The following RECK variants were observed in gnomAD, a reference collection of about 807,000 sequenced individuals.
The protein encoded by RECK is reversion-inducing cysteine-rich protein with Kazal motifs.
A neutral mutation model predicts 115.1 loss-of-function variants in RECK; 69 were observed. The observed-to-expected ratio is 0.60, with a 90% confidence interval of 0.49 to 0.73. The LOEUF (loss-of-function observed/expected upper bound fraction) is 0.73. Among genes scored for constraint, RECK ranks in the 30% least tolerant of loss-of-function variants. The pLI is 0.00. For synonymous variants in RECK, 414 were observed against 419.7 expected (o/e 0.99, Z 0.17); for missense variants, 1,047 against 1,203.7 (o/e 0.87, Z 1.93).
intron 6 of RECK, among the ~76,000 whole-genome samples, chr9:36,069,527 CA>C (rs1822146232): frequency 7.0e-6 from 1 of 142,608 alleles, no homozygotes. Flanking sequence ...TAAAAAGAAT[CA>C]AAGAGAATTT....
intron 16 of RECK, among the ~76,000 whole-genome samples, chr9:36,114,471 G>T (rs1387216862): frequency 6.6e-6 from 1 of 152,208 alleles, no homozygotes; most frequent in Non-Finnish European, 1.5e-5. Flanking sequence ...CATTCTCTAT[G>T]GAGGGCAGTT....
intron 13 of RECK, among the ~76,000 whole-genome samples, chr9:36,106,030 G>A (rs927747321): frequency 2.0e-5 from 3 of 151,914 alleles, no homozygotes; most frequent in African/African-American, 7.2e-5. Context: ...TGGCTAACAT[G>A]GTGAAACCTT....
At chr9:36,103,112 G>A (rs1220497341) in intron 12 of RECK, among the ~76,000 whole-genome samples, 1 of 152,190 alleles carries the variant, frequency 6.6e-6, no homozygotes, top group South Asian at 2.1e-4. Flanking sequence ...CTTCTTGGCA[G>A]TGAGACCCAT....
At chr9:36,119,048 G>C (rs1012486409) in intron 18 of RECK, 81 bp downstream of exon 18, 123 of 1,343,668 alleles carry the variant, frequency 9.2e-5, no homozygotes, top group Non-Finnish European at 7.6e-5. Context: ...TCATTGAGAA[G>C]AGAGCTCATT....
At position 36,036,946 on chromosome 9, in the gene RECK, G is replaced by A; in HGVS notation, c.-53G>A. 1 of 1,208,066 alleles carries A rather than the reference G, an allele frequency of 8.3e-7. No homozygotes were observed. The highest frequency in any genetic ancestry group is 1.1e-6 in the Non-Finnish European group (1 of 945,934). 74.8% of individuals were successfully genotyped at this position (1,208,066 alleles called of 1,614,324 possible). ...GGCGGCGGTAGCGGCGGCAGCGGCT[G>A]CGGCCAAGCTGGGTCCGAGCATCCC... On this transcript the variant is annotated 5_prime_UTR_variant, in exon 1 of 21. Transcript: ENST00000377966.
intron 1 of RECK, among the ~76,000 whole-genome samples, chr9:36,042,996 A>C (rs1469000638): frequency 2.6e-5 from 3 of 114,106 alleles, no homozygotes; most frequent in Non-Finnish European, 5.4e-5. Flanking sequence ...CTGTCTATTC[A>C]TGTCCTTAGC....
rs1823591456 is a variant in RECK, at chr9:36,102,195, A to G, written c.1400A>G (p.Asp467Gly). ...SICELLSPTD[D>G]LKNCIPLDTY... is the part of the protein sequence containing the mutation. ...TGTGAGCTTCTGTCACCTACAGATG[A>G]TCTGAAGAATTGTATACCTTTGGAT... is the stretch of plus-strand genomic sequence containing the variant. Residue 467 changes from aspartate (D) to glycine (G), a missense_variant, in exon 12 of 21, where the codon GAT becomes GGT. Coordinates refer to ENST00000377966, the MANE Select transcript of RECK (RefSeq NM_021111.3). The G allele has an allele frequency of 1.9e-6, 3 of 1,613,782 alleles. No individual in the cohort carries two copies. The highest frequency in any genetic ancestry group is 2.5e-6 in the Non-Finnish European group (3 of 1,179,760).
In RECK at chr9:36,058,835, C is replaced by A; in HGVS notation, c.168C>A (p.Ser56=). Residue 56 remains serine (S), a synonymous_variant, in exon 3 of 21, where the codon TCC becomes TCA. Coordinates refer to ENST00000377966, the MANE Select transcript of RECK (RefSeq NM_021111.3). ...MCRDVCEQIF[S]SKSESRLKHL... is the part of the protein sequence containing the mutation. The stretch of plus-strand genomic sequence containing the variant: ...TTTTTTTTGTCAAATAGATTTTCTC[C>A]TCAAAAAGTGAATCCCGACTAAAAC... 1 of 1,584,884 alleles carries A rather than the reference C, an allele frequency of 6.3e-7. No homozygotes were observed. Among genetic ancestry groups the A allele is most frequent in the South Asian group, 1.1e-5 (1 of 87,008 alleles).
chr9:36,068,091 G>A (rs1342292853), intron 6 of RECK, among the ~76,000 whole-genome samples: 1 of 152,154 alleles, frequency 6.6e-6, no homozygotes, highest in African/African-American at 2.4e-5. Context: ...GGGTGATGAT[G>A]AAGATTCTGT....
At position 36,102,206 on chromosome 9, in the gene RECK, T is replaced by C; in HGVS notation, c.1411T>C (p.Cys471Arg). 1.2e-6 allele frequency: 2 copies of C among 1,613,402 alleles called. No homozygotes were observed. Among genetic ancestry groups the C allele is most frequent in the Non-Finnish European group, 1.7e-6 (2 of 1,179,652 alleles). ...GTCACCTACAGATGATCTGAAGAATTGTATACCTTTGGATACATACCTCAG... is the reference window on the plus strand; with the variant it reads ...GTCACCTACAGATGATCTGAAGAATCGTATACCTTTGGATACATACCTCAG... ...LLSPTDDLKN[C>R]IPLDTYLRPS... Residue 471 changes from cysteine to arginine, a missense_variant, in exon 12 of 21, where the codon TGT (cysteine) becomes CGT (arginine). Coordinates refer to ENST00000377966, the MANE Select transcript of RECK (RefSeq NM_021111.3).
chr9:36,069,924 G>C (rs1002028160), intron 6 of RECK, among the ~76,000 whole-genome samples: 1 of 152,216 alleles, frequency 6.6e-6, no homozygotes, highest in African/African-American at 2.4e-5. Context: ...GAGGAAGCCA[G>C]AAGACAGTAG....
At chr9:36,119,308 C>T (rs10814330) in intron 18 of RECK, among the ~76,000 whole-genome samples, 30,897 of 152,030 alleles carry the variant, frequency 0.2, 3,506 homozygotes, top group African/African-American at 0.3. Context: ...TAACAAATAA[C>T]GAATTACTAA....
intron 2 of RECK, among the ~76,000 whole-genome samples, chr9:36,056,043 A>G (rs576034141): frequency 5.6e-4 from 85 of 152,026 alleles, no homozygotes; most frequent in South Asian, 1.0e-3. Flanking sequence ...AATTTTAAGT[A>G]TATACAAAGG....
At chr9:36,061,791 C>A (rs1488126761) in intron 4 of RECK, among the ~76,000 whole-genome samples, 2 of 152,164 alleles carry the variant, frequency 1.3e-5, no homozygotes, top group Non-Finnish European at 2.9e-5. Context: ...CCTTAAGACA[C>A]ATAGTGATAA....
At chr9:36,111,270 T>C (rs907474973) in intron 15 of RECK, among the ~76,000 whole-genome samples, 2 of 152,188 alleles carry the variant, frequency 1.3e-5, no homozygotes, top group African/African-American at 2.4e-5. Flanking sequence ...TGGGACCCAG[T>C]GTCCCACTCC....
chr9:36,046,855 T>C (rs1821088340), intron 1 of RECK, among the ~76,000 whole-genome samples: 1 of 152,234 alleles, frequency 6.6e-6, no homozygotes, highest in South Asian at 2.1e-4. Flanking sequence ...TACTCCCCTA[T>C]AGATTTGACC....
In RECK at chr9:36,112,465, A is replaced by G; in HGVS notation, c.2049A>G (p.Gln683=). 2 of 1,614,100 alleles carry G rather than the reference A, an allele frequency of 1.2e-6. No individual in the cohort carries two copies. The highest frequency in any genetic ancestry group is 1.7e-6 in the Non-Finnish European group (2 of 1,180,048). ...ATCCATGTAATCCTAATCCCTGCCA[A>G]AAAAACCAAAGGTAAGTCAAATGGC... ...SKDPCNPNPC[Q]KNQRCIPKPQ... is the part of the protein sequence containing the mutation. The change falls in exon 16 of 21, where the codon CAA becomes CAG. Residue 683 remains glutamine, a synonymous_variant. Coordinates refer to ENST00000377966, the MANE Select transcript of RECK (RefSeq NM_021111.3).
chr9:36,067,797 C>T (rs1822067166), intron 6 of RECK, among the ~76,000 whole-genome samples: 1 of 152,008 alleles, frequency 6.6e-6, no homozygotes, highest in Admixed American at 6.6e-5. Flanking sequence ...ATATACTGCA[C>T]ACATAAGGGC....
chr9:36,052,719 T>C (rs974820419), intron 2 of RECK, among the ~76,000 whole-genome samples: 1 of 151,828 alleles, frequency 6.6e-6, no homozygotes, highest in Admixed American at 6.6e-5. Context: ...CATCAGCGCC[T>C]GTACTCTTTA....
Sources: gnomAD v4.1 joint callset for allele counts (sites outside exome capture counted in the v4.1 genomes callset) on GRCh38, gnomAD v4.1.1 for gene constraint, MANE v1.5 for transcripts, NCBI Gene and HGNC (gene_info 2026-07-23, HGNC 2026-07-21) for gene names.